ANK2: variants seen among roughly 807,000 people sequenced by gnomAD.
ANK2 encodes ankyrin 2.
ANK2 carries 83 observed loss-of-function variants against 360.5 expected under a neutral mutation model. That is an observed-to-expected ratio of 0.23 (90% confidence interval 0.19 to 0.28). The LOEUF (loss-of-function observed/expected upper bound fraction) is 0.28. ANK2 is among the 10% of genes least tolerant of loss of function. The pLI is 1.00. For synonymous variants in ANK2, 1,740 were observed against 1,759.5 expected (o/e 0.99, Z 0.28); for missense variants, 4,201 against 4,795.7 (o/e 0.88, Z 3.66).
In ANK2 at chr4:113,357,664, G is replaced by A. The variant is rs149963885; in HGVS notation, c.9046G>A (p.Glu3016Lys). Residue 3016 changes from glutamate to lysine, a missense_variant, in exon 38 of 46, where the codon GAG (glutamate) becomes AAG (lysine). This residue lies in a region of ANK2 where 2,642 missense variants were observed against 2,714.5 expected (regional missense o/e 0.97). Coordinates refer to ENST00000357077, the MANE Select transcript of ANK2 (RefSeq NM_001148.6). ...MQSDSVSSSF[E>K]PTMSATTTVV... ...ATCAGACAGTGTCTCTTCATCTTTC[G>A]AGCCTACTATGTCCGCTACAACAAC... is the stretch of plus-strand genomic sequence containing the variant. The A allele has an allele frequency of 4.4e-4, 712 of 1,614,106 alleles. 2 individuals carry two copies. Among genetic ancestry groups the A allele is most frequent in the Middle Eastern group, 2.1e-3 (13 of 6,062 alleles).
chr4:113,100,499 C>T (rs751503164), intron 1 of ANK2, among the ~76,000 whole-genome samples: 1 of 152,072 alleles, frequency 6.6e-6, no homozygotes, highest in Non-Finnish European at 1.5e-5. Context: ...AGAGGTGGAA[C>T]AACAGAAACT....
rs2046562149 is a variant in ANK2, at chr4:112,991,042, G to A, written c.21+86528G>A. Among the ~76,000 whole-genome samples the A allele has an allele frequency of 4.6e-5, 7 of 152,202 alleles. No homozygotes were observed. The South Asian group carries it at 1.5e-3, about 32-fold the overall frequency. On this transcript the variant is annotated intron_variant, in intron 2 of 30. Coordinates refer to the ANK2 transcript ENST00000503271. Reference sequence around the variant, plus strand: ...CAAGGCGGGTGCATCATGAGGTCAAGAGATGGGGACCATCCTGGCCAACAT... The same window carrying A: ...CAAGGCGGGTGCATCATGAGGTCAAAAGATGGGGACCATCCTGGCCAACAT...
chr4:112,862,858 T>C (rs1446367575), intron 1 of ANK2, among the ~76,000 whole-genome samples: 1 of 152,048 alleles, frequency 6.6e-6, no homozygotes, highest in Admixed American at 6.5e-5. Flanking sequence ...GAGTCCAGCC[T>C]GGGTAACATA....
chr4:113,145,437 T>C (rs182436043), intron 1 of ANK2, among the ~76,000 whole-genome samples: 9 of 152,268 alleles, frequency 5.9e-5, no homozygotes, highest in Admixed American at 4.6e-4. Flanking sequence ...AAGGCATTCA[T>C]TGAGTAATGC....
chr4:112,730,941 C>T, the ANK2 span, among the ~76,000 whole-genome samples: 1 of 151,356 alleles, frequency 6.6e-6, no homozygotes, highest in South Asian at 2.1e-4. Flanking sequence ...AGATCGAGAC[C>T]ATTCCGGCCA....
the ANK2 span, among the ~76,000 whole-genome samples, chr4:112,766,331 A>G: frequency 1.3e-5 from 2 of 152,222 alleles, no homozygotes; most frequent in Middle Eastern, 3.4e-3. Context: ...AAAAAAAAAA[A>G]AATTTGTTGC....
At chr4:112,798,291 G>A in the ANK2 span, 1 of 152,040 alleles carries the variant, frequency 6.6e-6, no homozygotes, top group South Asian at 2.1e-4. Context: ...TTACAATTAT[G>A]GATTTTCTTT....
chr4:113,274,870 G>T (rs2059673093), intron 15 of ANK2, among the ~76,000 whole-genome samples: 1 of 152,040 alleles, frequency 6.6e-6, no homozygotes, highest in Non-Finnish European at 1.5e-5. Context: ...TAATGCCAAT[G>T]TTTCTAGGAC....
chr4:113,212,117 AC>A (rs1300556523), intron 4 of ANK2, among the ~76,000 whole-genome samples: 27 of 152,336 alleles, frequency 1.8e-4, no homozygotes, highest in African/African-American at 6.3e-4. Context: ...TACAGAGGAA[AC>A]TGAGAGTTTA....
chr4:112,727,245 G>A, the ANK2 span, among the ~76,000 whole-genome samples: 1 of 152,002 alleles, frequency 6.6e-6, no homozygotes, highest in African/African-American at 2.4e-5. Flanking sequence ...TAGATGTATA[G>A]CCTTTGGAAA....
chr4:113,003,191 G>C (rs374310192), intron 2 of ANK2, among the ~76,000 whole-genome samples: 24 of 152,146 alleles, frequency 1.6e-4, no homozygotes, highest in African/African-American at 5.8e-4. Context: ...AGATCCATGA[G>C]TATAAACAAA....
the ANK2 span, among the ~76,000 whole-genome samples, chr4:112,744,371 G>A: frequency 7.6e-6 from 1 of 131,068 alleles, no homozygotes; most frequent in African/African-American, 3.0e-5. Context: ...TTTTGAGATG[G>A]GGTCTTGCTC....
At chr4:113,367,128 A>G (rs759873688) in intron 41 of ANK2, among the ~76,000 whole-genome samples, 52 of 152,238 alleles carry the variant, frequency 3.4e-4, no homozygotes, top group Non-Finnish European at 6.0e-4. Flanking sequence ...GGTGCCTAAC[A>G]TGGAATAAAT....
chr4:112,769,435 C>G, the ANK2 span, among the ~76,000 whole-genome samples: 1 of 152,164 alleles, frequency 6.6e-6, no homozygotes, highest in South Asian at 2.1e-4. Context: ...GCCATTAATG[C>G]AATCGGTCTA....
At chr4:113,149,874 CAAAAAAA>C (rs34667216) in intron 1 of ANK2, among the ~76,000 whole-genome samples, 22 of 31,408 alleles carry the variant, frequency 7.0e-4, no homozygotes, top group East Asian at 6.1e-3. Flanking sequence ...GACCCTGCCT[CAAAAAAA>C]AAAAAAAAAA....
At chr4:113,315,896 CAAAAAAA>C (rs70961811) in intron 24 of ANK2, among the ~76,000 whole-genome samples, 6 of 49,314 alleles carry the variant, frequency 1.2e-4, no homozygotes, top group South Asian at 8.4e-4. Context: ...GACTCCGTCT[CAAAAAAA>C]AAAAAAAAAA....
chr4:112,718,760 C>G, the ANK2 span, among the ~76,000 whole-genome samples: 18 of 152,218 alleles, frequency 1.2e-4, no homozygotes, highest in African/African-American at 3.9e-4. Flanking sequence ...GCCTCAGCTT[C>G]CCAAGTGGCT....
At chr4:112,894,584 A>G (rs1003362382) in intron 1 of ANK2, among the ~76,000 whole-genome samples, 2 of 152,236 alleles carry the variant, frequency 1.3e-5, no homozygotes, top group Non-Finnish European at 2.9e-5. Context: ...GGTGTGCTGT[A>G]GAATGTTCCA....
At chr4:113,317,512 G>T (rs2083526111) in intron 24 of ANK2, 195 bp from the exon 25 acceptor site, 1 of 633,804 alleles carries the variant, frequency 1.6e-6, no homozygotes, top group African/African-American at 1.8e-5. Flanking sequence ...CCATTGAGCG[G>T]TAGGAACCTG....
Sources: allele counts gnomAD v4.1 joint callset (sites outside exome capture counted in the v4.1 genomes callset), GRCh38; gene constraint gnomAD v4.1.1; regional missense constraint gnomAD v4.1.1; transcripts MANE v1.5; gene names NCBI Gene and HGNC (gene_info 2026-07-23, HGNC 2026-07-21).